The following ITPR1 variants were observed in gnomAD, a reference collection of about 807,000 sequenced individuals.
ITPR1 encodes the protein inositol 1,4,5-trisphosphate receptor type 1.
A neutral mutation model predicts 318.4 loss-of-function variants in ITPR1; 96 were observed. The ratio of observed to expected loss-of-function variants is 0.30; its 90% confidence interval spans 0.26 to 0.36. ITPR1 has a LOEUF of 0.36. Ranked by LOEUF, ITPR1 falls within the 10% of genes least tolerant of loss-of-function variation. The pLI is 1.00. For missense variants in ITPR1, 2,440 were observed against 3,460.2 expected, an observed-to-expected ratio of 0.71 and a Z score of 7.40; for synonymous variants, 1,312 against 1,289.9, an observed-to-expected ratio of 1.02 and a Z score of -0.37.
At chr3:4,684,631 G>A (rs139563407) in intron 29 of ITPR1, among the ~76,000 whole-genome samples, 2 of 152,320 alleles carry the variant, frequency 1.3e-5, no homozygotes, top group African/African-American at 2.4e-5. Context: ...TTGAAGGAAG[G>A]ACTAATTGAG....
chr3:4,566,273 T>A (rs1335154995), intron 4 of ITPR1, among the ~76,000 whole-genome samples: 2 of 152,198 alleles, frequency 1.3e-5, no homozygotes, highest in Non-Finnish European at 2.9e-5. Flanking sequence ...AGAGCCACCC[T>A]CAACTCGTGA....
At chr3:4,543,943 T>C (rs2084718221) in intron 4 of ITPR1, among the ~76,000 whole-genome samples, 1 of 152,222 alleles carries the variant, frequency 6.6e-6, no homozygotes, top group African/African-American at 2.4e-5. Flanking sequence ...CATGTTCTTG[T>C]CACTTCATGG....
At chr3:4,619,824 TCCTCTCC>T (rs1253357780) in intron 4 of ITPR1, among the ~76,000 whole-genome samples, 3 of 108,024 alleles carry the variant, frequency 2.8e-5, no homozygotes, top group Non-Finnish European at 5.7e-5. Flanking sequence ...TCCCCTCCCC[TCCTCTCC>T]CCTCTCCCCT....
At position 4,818,152 on chromosome 3, in the gene ITPR1, G is replaced by A. The variant is rs2049431614; in HGVS notation, c.7938G>A (p.Met2646Ile). 6.2e-7 allele frequency: 1 copy of A among 1,608,452 alleles called. No individual in the cohort carries two copies. Among genetic ancestry groups the A allele is most frequent in the Non-Finnish European group, 8.5e-7 (1 of 1,175,444 alleles). The stretch of plus-strand genomic sequence containing the variant: ...AGCACATCAAGGAAGAACACAACAT[G>A]TGGCACTATCTGTGCTTCATCGTCC... ...FEEHIKEEHNMWHYLCFIVLV... is the reference protein window; with the variant it reads ...FEEHIKEEHNIWHYLCFIVLV... Residue 2646 changes from methionine (M) to isoleucine (I), a missense_variant, in exon 60 of 62, where the codon ATG (methionine) becomes ATA (isoleucine). Coordinates refer to ENST00000649015, the MANE Select transcript of ITPR1 (RefSeq NM_001378452.1).
chr3:4,734,603 A>G (rs747698483), intron 43 of ITPR1, among the ~76,000 whole-genome samples: 2 of 152,278 alleles, frequency 1.3e-5, no homozygotes, highest in Non-Finnish European at 2.9e-5. Context: ...TAAATGGCAT[A>G]GGTCCTCTCT....
intron 2 of ITPR1, among the ~76,000 whole-genome samples, chr3:4,512,082 G>A (rs969853310): frequency 6.6e-6 from 1 of 152,126 alleles, no homozygotes; most frequent in Non-Finnish European, 1.5e-5. Context: ...GGAGCTCCCA[G>A]GCTCAAGTGA....
At chr3:4,845,752 T>C (rs901923525) in intron 61 of ITPR1, among the ~76,000 whole-genome samples, 2 of 152,188 alleles carry the variant, frequency 1.3e-5, no homozygotes, top group Admixed American at 1.3e-4. Context: ...AAACCTAGGA[T>C]TCTAAACACT....
intron 3 of ITPR1, 87 bp from the exon 4 acceptor site, chr3:4,520,936 GA>G: frequency 2.1e-6 from 2 of 973,998 alleles, no homozygotes; most frequent in African/African-American, 1.6e-5. Context: ...TGTTGCGCAG[GA>G]AAAGCCCTGG....
rs529789176 is a variant in ITPR1 at position 4,818,055 on chromosome 3, G to A, written c.7868-27G>A. The A allele has an allele frequency of 2.0e-5, 32 of 1,580,428 alleles. No homozygotes were observed. The East Asian group carries it at 5.0e-4, about 25-fold the overall frequency. On this transcript the variant is annotated intron_variant, in intron 59 of 61. Transcript: ENST00000649015. The stretch of plus-strand genomic sequence containing the variant: ...TCTTTACCAAGGCTGCTCAGCTGGG[G>A]CTGGGGGCTTTTTGTCTCATTTTTA...
intron 44 of ITPR1, among the ~76,000 whole-genome samples, chr3:4,753,546 GAA>G (rs2044711610): frequency 6.6e-6 from 1 of 152,132 alleles, no homozygotes; most frequent in Non-Finnish European, 1.5e-5. Context: ...GGGGAGACAT[GAA>G]GAGTCCCAGA....
At chr3:4,628,229 T>C (rs1042730585) in intron 5 of ITPR1, among the ~76,000 whole-genome samples, 2 of 152,192 alleles carry the variant, frequency 1.3e-5, no homozygotes, top group Non-Finnish European at 2.9e-5. Context: ...TGTTTTCCAC[T>C]TCTGTTATGT....
intron 11 of ITPR1, among the ~76,000 whole-genome samples, chr3:4,652,665 C>G (rs2093622506): frequency 6.6e-6 from 1 of 152,116 alleles, no homozygotes; most frequent in African/African-American, 2.4e-5. Flanking sequence ...GTGGAATAGA[C>G]AGTGGCTTAT....
chr3:4,828,931 C>G (rs1386676854), intron 60 of ITPR1, among the ~76,000 whole-genome samples: 1 of 152,076 alleles, frequency 6.6e-6, no homozygotes, highest in South Asian at 2.1e-4. Flanking sequence ...AATCAGTATC[C>G]CTAAAATTTT....
rs778315264 is a variant in ITPR1 at position 4,779,380 on chromosome 3, C to G, written c.6292-170C>G. ...TATCTGGGGTCTGAAGGGGGATGCT[C>G]TCTGCCTGGTGCAGATGGATTTTGA... On this transcript the variant is annotated intron_variant, in intron 48 of 61. Transcript: ENST00000649015. This position sits in a 1 kb window ranked among gnomAD's most constrained non-coding sequence, Gnocchi z 4.0. Among the ~76,000 whole-genome samples, 23 of 152,272 alleles carry G rather than the reference C, an allele frequency of 1.5e-4. No individual in the cohort carries two copies. Among genetic ancestry groups the G allele is most frequent in the Non-Finnish European group, 2.9e-4 (20 of 68,048 alleles).
At chr3:4,709,506 G>A (rs2094827296) in intron 37 of ITPR1, among the ~76,000 whole-genome samples, 2 of 152,208 alleles carry the variant, frequency 1.3e-5, no homozygotes, top group African/African-American at 4.8e-5. Context: ...TATCCAACGT[G>A]CTGTGTTTGG....
intron 44 of ITPR1, 75 bp from the exon 45 acceptor site, chr3:4,766,455 A>G: frequency 8.0e-7 from 1 of 1,252,664 alleles, no homozygotes; most frequent in Non-Finnish European, 1.1e-6. Context: ...GATCTTCATT[A>G]GGTTTTGGTG....
intron 59 of ITPR1, 137 bp downstream of exon 59, chr3:4,815,355 C>G: frequency 1.4e-6 from 1 of 698,132 alleles, no homozygotes. Context: ...TTCGTCTTGA[C>G]TCTTCTACCC....
Position 4,663,052 on chromosome 3 carries a change from C to A in ITPR1, c.1413-13C>A. 1 of 1,612,964 alleles carries A rather than the reference C, an allele frequency of 6.2e-7. No homozygotes were observed. On this transcript the variant is annotated splice_polypyrimidine_tract_variant and intron_variant, in intron 15 of 61. Coordinates refer to ENST00000649015, the MANE Select transcript of ITPR1 (RefSeq NM_001378452.1). ...TGAACACATCTGTCTCTAATAGCGT[C>A]TTTCCTCCTAAGGTCTGTAACCAAG... is the stretch of plus-strand genomic sequence containing the variant.
chr3:4,777,524 G>T, intron 48 of ITPR1, 150 bp downstream of exon 48: 1 of 603,704 alleles, frequency 1.7e-6, no homozygotes, highest in Non-Finnish European at 3.0e-6. Flanking sequence ...TGCTGACTAC[G>T]ATGCAGAACT....
Sources: allele counts gnomAD v4.1 joint callset (sites outside exome capture counted in the v4.1 genomes callset), GRCh38; gene constraint gnomAD v4.1.1; non-coding constraint Gnocchi (gnomAD v3.1); transcripts MANE v1.5; gene names NCBI Gene and HGNC (gene_info 2026-07-23, HGNC 2026-07-21).